The following BICC1 variants were observed in gnomAD, a reference collection of about 807,000 sequenced individuals.
BICC1 encodes protein bicaudal C homolog 1.
In BICC1, 43 loss-of-function variants were observed where a neutral mutation model predicts 111.0. The ratio of observed to expected loss-of-function variants is 0.39; its 90% CI spans 0.30 to 0.50. BICC1 has a LOEUF of 0.50. Ranked by LOEUF, BICC1 falls within the 20% of genes least tolerant of loss-of-function variation. The pLI, the probability that BICC1 is intolerant of heterozygous loss-of-function variation, is 0.88. For missense variants in BICC1, 1,091 were observed against 1,203.2 expected, an observed-to-expected ratio of 0.91 and a Z score of 1.38; for synonymous variants, 467 against 434.4, an observed-to-expected ratio of 1.07 and a Z score of -0.93.
intron 2 of BICC1, among the ~76,000 whole-genome samples, chr10:58,643,446 C>G (rs1184775855): frequency 6.6e-6 from 1 of 152,210 alleles, no homozygotes; most frequent in African/African-American, 2.4e-5. Flanking sequence ...TCAGAGAAAT[C>G]TTTTAGCTAC....
chr10:58,714,399 T>C (rs1000851138), intron 3 of BICC1, among the ~76,000 whole-genome samples: 2 of 152,260 alleles, frequency 1.3e-5, no homozygotes, highest in African/African-American at 4.8e-5. Flanking sequence ...GTGATAGGTC[T>C]ACACATTTTA....
chr10:58,774,196 A>G (rs2059440038), intron 3 of BICC1, among the ~76,000 whole-genome samples: 1 of 152,248 alleles, frequency 6.6e-6, no homozygotes, highest in Non-Finnish European at 1.5e-5. Context: ...ATGTCAGTAA[A>G]ATATTAAAAG....
At chr10:58,631,549 C>T (rs561375829) in intron 2 of BICC1, among the ~76,000 whole-genome samples, 36 of 151,800 alleles carry the variant, frequency 2.4e-4, no homozygotes, top group Admixed American at 2.2e-3. Context: ...GGCTTTTCTT[C>T]TTAGCATTTG....
chr10:58,817,363 A>G (rs1044344014), intron 18 of BICC1, among the ~76,000 whole-genome samples, 199 bp from the exon 19 acceptor site: 24 of 152,198 alleles, frequency 1.6e-4, no homozygotes, highest in Admixed American at 6.6e-5. Flanking sequence ...TTAAATGTCA[A>G]GAGCCTCCCT....
intron 1 of BICC1, among the ~76,000 whole-genome samples, chr10:58,607,341 T>TAAAG (rs879657768): frequency 2.0e-5 from 3 of 151,710 alleles, no homozygotes; most frequent in Non-Finnish European, 4.4e-5. Flanking sequence ...AATAAATAAA[T>TAAAG]AAAACTGTCA....
At chr10:58,561,642 CTTA>C (rs990006197) in intron 1 of BICC1, among the ~76,000 whole-genome samples, 2 of 151,962 alleles carry the variant, frequency 1.3e-5, no homozygotes, top group African/African-American at 4.8e-5. Flanking sequence ...TTCTTCCTCT[CTTA>C]TTGTTTATCT....
intron 2 of BICC1, among the ~76,000 whole-genome samples, chr10:58,627,340 G>A (rs140841033): frequency 6.6e-6 from 1 of 152,294 alleles, no homozygotes; most frequent in Non-Finnish European, 1.5e-5. Flanking sequence ...TGTAGTGCAA[G>A]TAACCATGGA....
chr10:58,590,749 C>G (rs1250331470), intron 1 of BICC1, among the ~76,000 whole-genome samples: 1 of 152,166 alleles, frequency 6.6e-6, no homozygotes, highest in East Asian at 1.9e-4. Flanking sequence ...CATTTAAGAT[C>G]CTTCCCCATT....
At chr10:58,759,638 T>C (rs1411872042) in intron 3 of BICC1, among the ~76,000 whole-genome samples, 3 of 152,144 alleles carry the variant, frequency 2.0e-5, no homozygotes, top group Admixed American at 6.5e-5. Context: ...TGACTTTCTG[T>C]TTTGTAAAAC....
At chr10:58,689,590 A>G (rs1839854003) in intron 2 of BICC1, among the ~76,000 whole-genome samples, 1 of 152,242 alleles carries the variant, frequency 6.6e-6, no homozygotes, top group East Asian at 1.9e-4. Flanking sequence ...GAAAAAAGCA[A>G]GAGACAGTGT....
intron 1 of BICC1, among the ~76,000 whole-genome samples, chr10:58,520,842 A>AT (rs368626728): frequency 1.3e-3 from 193 of 149,316 alleles, no homozygotes; most frequent in African/African-American, 4.5e-3. Flanking sequence ...TATTTTAGGA[A>AT]TTTTTTTCCT....
intron 9 of BICC1, 88 bp from the exon 10 acceptor site, chr10:58,796,252 C>A (rs552455641): frequency 1.9e-6 from 2 of 1,080,324 alleles, no homozygotes; most frequent in Non-Finnish European, 2.7e-6. Context: ...TTCTTATTAG[C>A]GTATTCATTT....
intron 1 of BICC1, among the ~76,000 whole-genome samples, chr10:58,589,607 G>A (rs554626484): frequency 1.2e-3 from 187 of 152,004 alleles, no homozygotes; most frequent in Non-Finnish European, 1.9e-3. Flanking sequence ...AAGTAGCAGG[G>A]ACTAGACGTG....
rs117702766 is a variant in BICC1 at position 58,757,975 on chromosome 10, A to G, written c.308-27026A>G. 2.5e-3 allele frequency among the ~76,000 whole-genome samples: 387 copies of G among 152,292 alleles called. 3 individuals are homozygous for G. Among genetic ancestry groups the G allele is most frequent in the Non-Finnish European group, 3.5e-3 (235 of 68,022 alleles). ...TCTCAGAAACAACCCATAGGAAGCA[A>G]CCTTAGCAGTGGTGCTTGGTTTCCT... On this transcript the variant is annotated intron_variant, in intron 3 of 20. Transcript: ENST00000373886.
chr10:58,826,219 A>G (rs771585703), intron 20 of BICC1, among the ~76,000 whole-genome samples: 1 of 152,222 alleles, frequency 6.6e-6, no homozygotes, highest in Non-Finnish European at 1.5e-5. Flanking sequence ...TGAAGGATCT[A>G]AAGTTGGAGA....
At chr10:58,589,615 G>A (rs745544518) in intron 1 of BICC1, among the ~76,000 whole-genome samples, 7 of 151,848 alleles carry the variant, frequency 4.6e-5, no homozygotes, top group Non-Finnish European at 8.8e-5. Context: ...GGGACTAGAC[G>A]TGCATGCCAC....
At chr10:58,783,591 C>T (rs552919181) in intron 3 of BICC1, among the ~76,000 whole-genome samples, 48 of 120,508 alleles carry the variant, frequency 4.0e-4, no homozygotes, top group Non-Finnish European at 6.0e-4. Context: ...AGGATTCAGG[C>T]GGAACTGGTG....
chr10:58,824,810 G>A (rs772199299), intron 20 of BICC1, among the ~76,000 whole-genome samples: 9 of 152,116 alleles, frequency 5.9e-5, no homozygotes, highest in Non-Finnish European at 1.0e-4. Context: ...GAGGGTATTT[G>A]CATTTGTTTG....
At chr10:58,704,017 A>G (rs1010003773) in intron 3 of BICC1, among the ~76,000 whole-genome samples, 1 of 152,194 alleles carries the variant, frequency 6.6e-6, no homozygotes, top group Non-Finnish European at 1.5e-5. Flanking sequence ...AACATTAGAC[A>G]TTTCAGAAAA....
Sources: gnomAD v4.1 joint callset for allele counts (sites outside exome capture counted in the v4.1 genomes callset) on GRCh38, gnomAD v4.1.1 for gene constraint, MANE v1.5 for transcripts, NCBI Gene and HGNC (gene_info 2026-07-23, HGNC 2026-07-21) for gene names.